The following MAGI1 variants were observed in gnomAD, a reference collection of about 807,000 sequenced individuals.
The protein encoded by MAGI1 is membrane associated guanylate kinase, WW and PDZ domain containing 1, also known as membrane-associated guanylate kinase, WW and PDZ domain-containing protein 1.
In MAGI1, 58 loss-of-function variants were observed where a neutral mutation model predicts 139.9. That is an observed-to-expected ratio of 0.41 (90% confidence interval 0.34 to 0.52). The LOEUF is 0.52. Ranked by LOEUF, MAGI1 falls within the 20% of genes least tolerant of loss-of-function variation. MAGI1 has a pLI of 0.12. For missense variants in MAGI1, 1,874 were observed against 1,901.6 expected, an observed-to-expected ratio of 0.99 and a Z score of 0.27; for synonymous variants, 812 against 737.9, an observed-to-expected ratio of 1.10 and a Z score of -1.63.
At chr3:66,028,285 A>G (rs2068404517) in intron 1 of MAGI1, among the ~76,000 whole-genome samples, 1 of 152,214 alleles carries the variant, frequency 6.6e-6, no homozygotes, top group Admixed American at 6.5e-5. Context: ...AGCTGCTTGT[A>G]GGGTAGGTAC....
At chr3:65,370,718 A>G (rs1941901186) in intron 18 of MAGI1, among the ~76,000 whole-genome samples, 1 of 152,162 alleles carries the variant, frequency 6.6e-6, no homozygotes, top group Admixed American at 6.5e-5. Context: ...GGCTCACTGA[A>G]GCTCGACCTC....
chr3:65,806,128 AT>A (rs2040839193), intron 1 of MAGI1, among the ~76,000 whole-genome samples: 1 of 152,060 alleles, frequency 6.6e-6, no homozygotes, highest in Non-Finnish European at 1.5e-5. Flanking sequence ...AAAATTAAAA[AT>A]TTTTTTCAAA....
At chr3:65,524,624 C>T (rs1319897879) in intron 2 of MAGI1, among the ~76,000 whole-genome samples, 1 of 152,184 alleles carries the variant, frequency 6.6e-6, no homozygotes, top group Non-Finnish European at 1.5e-5. Flanking sequence ...GACAAAGTGT[C>T]AACACATCCT....
At chr3:65,967,000 G>A (rs1227654499) in intron 1 of MAGI1, among the ~76,000 whole-genome samples, 5 of 152,094 alleles carry the variant, frequency 3.3e-5, no homozygotes, top group East Asian at 1.9e-4. Context: ...GCACTACCGC[G>A]ATTTCCATTA....
chr3:65,752,694 T>C (rs2036249387), intron 1 of MAGI1, among the ~76,000 whole-genome samples: 1 of 152,212 alleles, frequency 6.6e-6, no homozygotes, highest in East Asian at 1.9e-4. Context: ...AGCCCTCTTT[T>C]TGGACTAGGC....
At chr3:65,492,382 T>C (rs1952103142) in intron 3 of MAGI1, among the ~76,000 whole-genome samples, 2 of 152,246 alleles carry the variant, frequency 1.3e-5, no homozygotes, top group Non-Finnish European at 2.9e-5. Context: ...ATCCATGTCA[T>C]TCGACTCAGC....
chr3:65,371,010 G>A (rs147899004), intron 18 of MAGI1, among the ~76,000 whole-genome samples: 115 of 152,284 alleles, frequency 7.6e-4, no homozygotes, highest in African/African-American at 2.6e-3. Flanking sequence ...AGAATAAGTC[G>A]CTTCTGAGTA....
intron 1 of MAGI1, among the ~76,000 whole-genome samples, chr3:65,653,441 C>T (rs2085697670): frequency 6.6e-6 from 1 of 152,110 alleles, no homozygotes; most frequent in South Asian, 2.1e-4. Context: ...GAATAAATTA[C>T]AGACACCTGC....
Position 65,618,138 on chromosome 3 carries a change from T to C in MAGI1, c.430+3834A>G, listed in dbSNP as rs142519657. Reference sequence around the variant, plus strand: ...TAGGCAGCGAAATAGGAAAAAATAATATGTACTCATTTATAAGAAGACACA... The same window carrying C: ...TAGGCAGCGAAATAGGAAAAAATAACATGTACTCATTTATAAGAAGACACA... On this transcript the variant is annotated intron_variant, in intron 2 of 22. Transcript: ENST00000402939. 5.2e-3 allele frequency among the ~76,000 whole-genome samples: 790 copies of C among 152,256 alleles called. 4 individuals carry two copies. Among genetic ancestry groups the C allele is most frequent in the African/African-American group, 0.018 (758 of 41,544 alleles).
chr3:65,730,725 C>G (rs545383065), intron 1 of MAGI1, among the ~76,000 whole-genome samples: 57 of 152,244 alleles, frequency 3.7e-4, no homozygotes, highest in African/African-American at 1.3e-3. Flanking sequence ...CACTGTAACC[C>G]ACAAATGTTT....
chr3:65,604,659 A>C (rs539482173), intron 2 of MAGI1, among the ~76,000 whole-genome samples: 1 of 152,276 alleles, frequency 6.6e-6, no homozygotes, highest in South Asian at 2.1e-4. Context: ...AAAAACACCA[A>C]CTTGAAATGC....
intron 12 of MAGI1, among the ~76,000 whole-genome samples, chr3:65,419,674 G>A (rs932673465): frequency 6.6e-6 from 1 of 152,040 alleles, no homozygotes; most frequent in African/African-American, 2.4e-5. Context: ...TTCTACCCTA[G>A]GATCCACATC....
chr3:65,375,688 CAGAGACAGAGAGAGAGAAAAAGAG>C, intron 18 of MAGI1, 33 bp downstream of exon 18: 14 of 1,361,538 alleles, frequency 1.0e-5, no homozygotes, highest in Non-Finnish European at 1.5e-5. Flanking sequence ...AAGGAAAAGA[CAGAGACAGAGAGAGAGAAAAAGAG>C]AGAGAGAGAG....
chr3:65,454,923 T>C (rs936757591), intron 5 of MAGI1, among the ~76,000 whole-genome samples: 2 of 152,144 alleles, frequency 1.3e-5, no homozygotes, highest in Admixed American at 1.3e-4. Context: ...CTCCCCATAT[T>C]ACAAATGAGA....
At chr3:65,964,394 C>T (rs2064628364) in intron 1 of MAGI1, among the ~76,000 whole-genome samples, 2 of 152,082 alleles carry the variant, frequency 1.3e-5, no homozygotes, top group African/African-American at 4.8e-5. Context: ...CAAACAGGGA[C>T]TTATATCTGT....
chr3:65,627,988 T>G (rs993804683), intron 1 of MAGI1, among the ~76,000 whole-genome samples: 1 of 152,194 alleles, frequency 6.6e-6, no homozygotes, highest in Non-Finnish European at 1.5e-5. Flanking sequence ...TTATTTATCC[T>G]TCATAGAAAA....
rs1309783253 is a variant in MAGI1, at chr3:65,356,515, T to C, written c.4252A>G (p.Arg1418Gly). 2.5e-6 allele frequency: 4 copies of C among 1,610,946 alleles called. No individual in the cohort carries two copies. In the African/African-American group the frequency reaches 5.3e-5, roughly 22 times the overall value. Reference sequence around the variant, plus strand: ...TGGCTGGCTCTGTCCTCTCTGTTCCTTTTGTCCAGGGACCGCTCTCTCCTG... The same window carrying C: ...TGGCTGGCTCTGTCCTCTCTGTTCCCTTTGTCCAGGGACCGCTCTCTCCTG... The part of the protein sequence containing the change: ...ERRRERSLDK[R>G]NREDRASHRE... Residue 1418 changes from arginine to glycine, a missense_variant, in exon 23 of 23, where the codon AGG becomes GGG. Physicochemically the swap from Arg to Gly is moderately radical, Grantham distance 125. Transcript: ENST00000402939.
chr3:65,795,983 G>A (rs1301762676), intron 1 of MAGI1, among the ~76,000 whole-genome samples: 3 of 150,988 alleles, frequency 2.0e-5, no homozygotes, highest in Admixed American at 1.3e-4. Flanking sequence ...CACAGGAGGC[G>A]GAAGGTGCAG....
intron 1 of MAGI1, among the ~76,000 whole-genome samples, chr3:65,967,399 GA>G (rs890386969): frequency 3.9e-5 from 6 of 151,904 alleles, no homozygotes; most frequent in Non-Finnish European, 7.4e-5. Context: ...GAAGCGTACT[GA>G]AAAAAAAGGT....
Sources: gnomAD v4.1 joint callset for allele counts (sites outside exome capture counted in the v4.1 genomes callset) on GRCh38, gnomAD v4.1.1 for gene constraint, MANE v1.5 for transcripts, NCBI Gene and HGNC (gene_info 2026-07-23, HGNC 2026-07-21) for gene names.